The following PIP5K1B variants were observed in gnomAD, a reference collection of about 807,000 sequenced individuals.
PIP5K1B encodes phosphatidylinositol 4-phosphate 5-kinase type-1 beta.
Under a neutral mutation model 67.0 loss-of-function variants are expected in PIP5K1B, and 42 were observed. The observed-to-expected ratio is 0.63, with a 90% confidence interval of 0.49 to 0.81. The LOEUF (loss-of-function observed/expected upper bound fraction) is 0.81. Ranked by LOEUF, PIP5K1B falls within the 30% of genes least tolerant of loss-of-function variation. The pLI, the probability that PIP5K1B is intolerant of heterozygous loss-of-function variation, is 0.00. For synonymous variants in PIP5K1B, 214 were observed against 231.4 expected (o/e 0.92, Z 0.68); for missense variants, 459 against 646.3 (o/e 0.71, Z 3.14).
chr9:68,978,718 A>G (rs1587751446), intron 14 of PIP5K1B, among the ~76,000 whole-genome samples: 1 of 152,238 alleles, frequency 6.6e-6, no homozygotes, highest in East Asian at 1.9e-4. Flanking sequence ...TTATTAAAGT[A>G]AAATTTATAT....
intron 2 of PIP5K1B, among the ~76,000 whole-genome samples, chr9:68,749,453 G>T (rs1348788931): frequency 1.3e-5 from 2 of 152,162 alleles, no homozygotes; most frequent in Admixed American, 1.3e-4. Context: ...CAGTGACATT[G>T]GTTTTGGACT....
chr9:68,792,548 C>T (rs1380988318), intron 2 of PIP5K1B, among the ~76,000 whole-genome samples: 8 of 152,066 alleles, frequency 5.3e-5, no homozygotes, highest in Admixed American at 1.3e-4. Flanking sequence ...GGCGCGATCT[C>T]GGTTCACTGC....
At chr9:68,839,750 G>A (rs954812063) in intron 4 of PIP5K1B, among the ~76,000 whole-genome samples, 1 of 152,176 alleles carries the variant, frequency 6.6e-6, no homozygotes, top group African/African-American at 2.4e-5. Flanking sequence ...TGTAACCAGA[G>A]CCTGAGATGG....
At chr9:68,748,206 C>A (rs925616778) in intron 2 of PIP5K1B, among the ~76,000 whole-genome samples, 22 of 152,224 alleles carry the variant, frequency 1.4e-4, no homozygotes, top group African/African-American at 5.3e-4. Context: ...CACGTTGTGA[C>A]TTGAGTCAGT....
chr9:68,864,704 A>C (rs942507411), intron 5 of PIP5K1B, among the ~76,000 whole-genome samples: 1 of 152,240 alleles, frequency 6.6e-6, no homozygotes, highest in Non-Finnish European at 1.5e-5. Flanking sequence ...ACGTTCATTT[A>C]GGAAGAGAAG....
intron 14 of PIP5K1B, among the ~76,000 whole-genome samples, chr9:68,967,486 T>C (rs891210105): frequency 6.6e-6 from 1 of 152,186 alleles, no homozygotes; most frequent in African/African-American, 2.4e-5. Flanking sequence ...AAGGAAATCA[T>C]GAGGAAGCTA....
At chr9:68,722,478 G>A (rs1341171308) in intron 1 of PIP5K1B, among the ~76,000 whole-genome samples, 7 of 152,034 alleles carry the variant, frequency 4.6e-5, no homozygotes, top group Non-Finnish European at 1.0e-4. Flanking sequence ...GCCTCCCAGA[G>A]TGCTGGGATT....
intron 2 of PIP5K1B, among the ~76,000 whole-genome samples, chr9:68,767,316 G>A (rs538136156): frequency 6.6e-6 from 1 of 152,240 alleles, no homozygotes; most frequent in African/African-American, 2.4e-5. Flanking sequence ...AATGCAGTCC[G>A]GGCGCTGTGG....
intron 14 of PIP5K1B, among the ~76,000 whole-genome samples, chr9:68,970,724 CAT>C (rs1294213360): frequency 6.6e-6 from 1 of 152,226 alleles, no homozygotes; most frequent in Non-Finnish European, 1.5e-5. Flanking sequence ...CACATATAAA[CAT>C]ATGGATTTGA....
intron 4 of PIP5K1B, among the ~76,000 whole-genome samples, chr9:68,852,388 T>C (rs537054677): frequency 9.9e-5 from 15 of 151,032 alleles, no homozygotes; most frequent in African/African-American, 2.9e-4. Flanking sequence ...AATGGCACTA[T>C]TTCTAGATCC....
At chr9:68,916,457 ATTT>A (rs1252760396) in intron 8 of PIP5K1B, among the ~76,000 whole-genome samples, 2 of 152,094 alleles carry the variant, frequency 1.3e-5, no homozygotes, top group African/African-American at 4.8e-5. Context: ...GCATCCAACT[ATTT>A]TTAATTCCCT....
intron 14 of PIP5K1B, among the ~76,000 whole-genome samples, chr9:68,961,879 A>G (rs896071771): frequency 3.9e-5 from 6 of 152,170 alleles, no homozygotes; most frequent in Admixed American, 3.9e-4. Flanking sequence ...GCATGTTGGT[A>G]GAAGTTTTGG....
intron 14 of PIP5K1B, among the ~76,000 whole-genome samples, chr9:68,989,841 A>G (rs1830280755): frequency 5.9e-5 from 9 of 152,086 alleles, no homozygotes; most frequent in Admixed American, 5.9e-4. Context: ...TTAGCCAGGC[A>G]TGGTGGTGCA....
At chr9:68,719,389 C>A (rs1827778698) in intron 1 of PIP5K1B, among the ~76,000 whole-genome samples, 1 of 152,186 alleles carries the variant, frequency 6.6e-6, no homozygotes, top group African/African-American at 2.4e-5. Context: ...CCCAGATTTT[C>A]CTGATTTCCA....
intron 2 of PIP5K1B, among the ~76,000 whole-genome samples, chr9:68,770,783 C>G (rs1830639054): frequency 6.6e-6 from 1 of 152,164 alleles, no homozygotes; most frequent in Non-Finnish European, 1.5e-5. Context: ...GGAAAATGGT[C>G]TTCCATGCAA....
intron 15 of PIP5K1B, among the ~76,000 whole-genome samples, chr9:69,002,472 A>G (rs1830865128): frequency 6.6e-6 from 1 of 152,192 alleles, no homozygotes; most frequent in African/African-American, 2.4e-5. Context: ...TCCATGCCTA[A>G]CAAAATGGTG....
At chr9:68,788,590 G>A (rs1831770130) in intron 2 of PIP5K1B, 1 of 250,810 alleles carries the variant, frequency 4.0e-6, no homozygotes, top group South Asian at 4.5e-5. Flanking sequence ...CCAATGTGAA[G>A]ACCCATGGTC....
At chr9:68,969,967 T>C (rs1166716667) in intron 14 of PIP5K1B, among the ~76,000 whole-genome samples, 2 of 151,736 alleles carry the variant, frequency 1.3e-5, no homozygotes, top group African/African-American at 4.9e-5. Context: ...GACATGAAAT[T>C]TTTTTAGTTG....
At chr9:68,949,104 A>G (rs1308659694) in intron 14 of PIP5K1B, among the ~76,000 whole-genome samples, 1 of 152,236 alleles carries the variant, frequency 6.6e-6, no homozygotes, top group Non-Finnish European at 1.5e-5. Flanking sequence ...TGACAAAAAA[A>G]AAAAGACTTC....
Sources: allele counts gnomAD v4.1 joint callset (sites outside exome capture counted in the v4.1 genomes callset), GRCh38; gene constraint gnomAD v4.1.1; transcripts MANE v1.5; gene names NCBI Gene and HGNC (gene_info 2026-07-23, HGNC 2026-07-21).